Variants in MYLK3 observed in about 807,000 individuals in gnomAD.
The protein encoded by MYLK3 is myosin light chain kinase 3, also known as MLC kinase.
A neutral mutation model predicts 76.3 loss-of-function variants in MYLK3; 55 were observed. That is an observed-to-expected ratio of 0.72 (90% CI 0.58 to 0.90). The LOEUF (loss-of-function observed/expected upper bound fraction) is 0.90. Among genes scored for constraint, MYLK3 ranks in the 40% least tolerant of loss-of-function variants. MYLK3 has a pLI of 0.00. For synonymous variants in MYLK3, 416 were observed against 425.4 expected (o/e 0.98, Z 0.27); for missense variants, 973 against 1,053.6 (o/e 0.92, Z 1.06).
intron 9 of MYLK3, among the ~76,000 whole-genome samples, chr16:46,719,326 C>CAA (rs1187916313): frequency 4.8e-5 from 4 of 83,008 alleles, no homozygotes; most frequent in Non-Finnish European, 5.0e-5. Context: ...GACTCGGTCT[C>CAA]AAAAAAAAAA....
chr16:46,755,298 A>C (rs367743489), intron 1 of MYLK3, among the ~76,000 whole-genome samples: 1 of 152,136 alleles, frequency 6.6e-6, no homozygotes, highest in Non-Finnish European at 1.5e-5. Flanking sequence ...TCTACTAAAA[A>C]TACAAAAAAA....
intron 1 of MYLK3, among the ~76,000 whole-genome samples, chr16:46,758,174 G>A (rs1967224520): frequency 6.6e-6 from 1 of 151,794 alleles, no homozygotes; most frequent in South Asian, 2.1e-4. Flanking sequence ...ATGCCAGGGA[G>A]GGCTCCCTGG....
At chr16:46,709,373 G>A (rs1966658957) in intron 12 of MYLK3, among the ~76,000 whole-genome samples, 166 bp downstream of exon 12, 1 of 150,748 alleles carries the variant, frequency 6.6e-6, no homozygotes, top group African/African-American at 2.4e-5. Context: ...AGTGAACCAT[G>A]ATCATGCCAC....
intron 4 of MYLK3, among the ~76,000 whole-genome samples, chr16:46,731,375 T>G (rs1966852234): frequency 6.6e-6 from 1 of 152,168 alleles, no homozygotes; most frequent in African/African-American, 2.4e-5. Context: ...CCTTCAGAGG[T>G]GATATGAATA....
intron 10 of MYLK3, 192 bp from the exon 11 acceptor site, chr16:46,710,981 A>T: frequency 7.8e-6 from 5 of 640,798 alleles, no homozygotes; most frequent in Non-Finnish European, 1.3e-5. Flanking sequence ...GGAAGGATTT[A>T]AAATTTGGAG....
rs1311395257 is a variant in MYLK3 at position 46,706,206 on chromosome 16, A to C, written c.*1498T>G. 1 of 152,122 alleles carries C rather than the reference A, an allele frequency of 6.6e-6. No individual in the cohort carries two copies. The highest frequency in any genetic ancestry group is 6.5e-5 in the Admixed American group (1 of 15,270). 9.4% of individuals were successfully genotyped at this position (152,122 alleles called of 1,614,324 possible). A position where few individuals can be genotyped will look rare whatever the true frequency, so the allele number is the denominator to read the frequency against. On this transcript the variant is annotated 3_prime_UTR_variant, in exon 13 of 13. Transcript: ENST00000394809. ...ATGTTGACTGGAAGCCCTATCAATA[A>C]TATAAACAGTCAGTTAATACCCATA...
At position 46,747,715 on chromosome 16, in the gene MYLK3, A is replaced by G; in HGVS notation, c.477+2T>C. 1 of 1,609,562 alleles carries G rather than the reference A, an allele frequency of 6.2e-7. No homozygotes were observed. On this transcript the variant is annotated splice_donor_variant, in intron 1 of 12. Transcript: ENST00000394809. LOFTEE classifies it high-confidence loss of function. ...AGCCAGGGCAGGGAAGCAGGAACCA[A>G]CCTCCTCAGGGCTGTCACCTGGGCT...
chr16:46,730,174 C>T (rs561827860), intron 5 of MYLK3, among the ~76,000 whole-genome samples: 11 of 149,520 alleles, frequency 7.4e-5, no homozygotes, highest in South Asian at 6.4e-4. Context: ...CCATCCTGCA[C>T]CCCAGGGAAC....
chr16:46,735,560 A>G (rs1301077943), intron 3 of MYLK3, among the ~76,000 whole-genome samples: 1 of 152,186 alleles, frequency 6.6e-6, no homozygotes, highest in Non-Finnish European at 1.5e-5. Context: ...CCAGCAGCTG[A>G]AGGCCCCGTC....
chr16:46,728,478 T>A (rs765983957), intron 7 of MYLK3, among the ~76,000 whole-genome samples: 1 of 152,166 alleles, frequency 6.6e-6, no homozygotes, highest in Non-Finnish European at 1.5e-5. Context: ...CCCAGCACTT[T>A]GGGAAGCTGA....
chr16:46,720,959 A>G (rs1332665126), intron 9 of MYLK3, among the ~76,000 whole-genome samples, 164 bp downstream of exon 9: 1 of 152,172 alleles, frequency 6.6e-6, no homozygotes, highest in Non-Finnish European at 1.5e-5. Context: ...TGCAAGAGCA[A>G]CAAGGCCTGT....
At position 46,748,094 on chromosome 16, in the gene MYLK3, C is replaced by G. The variant is rs779225675; in HGVS notation, c.100G>C (p.Glu34Gln). The change falls in exon 1 of 13, where the codon GAG becomes CAG. Residue 34 changes from glutamate to glutamine, a missense_variant. Physicochemically the swap from Glu to Gln is conservative, Grantham distance 29 (BLOSUM62 2). Around this residue, in one of 2 missense-constraint regions of MYLK3, gnomAD observed 641 missense variants for 637.0 expected, o/e 1.01. Coordinates refer to ENST00000394809, the MANE Select transcript of MYLK3 (RefSeq NM_182493.3). This position sits in a 1 kb window ranked among gnomAD's most constrained non-coding sequence, Gnocchi z 4.3. The part of the protein sequence containing the change: ...TMDTKLNMLN[E>Q]KVDQLLHFQE... ...AAGTGCAGGAGCTGGTCCACCTTCT[C>G]GTTCAGCATGTTCAGCTTTGTGTCC... 6.2e-7 allele frequency: 1 copy of G among 1,614,154 alleles called. No homozygotes were observed. The highest frequency in any genetic ancestry group is 1.3e-5 in the African/African-American group (1 of 74,962).
At chr16:46,730,838 C>A in intron 4 of MYLK3, 140 bp from the exon 5 acceptor site, 1 of 694,864 alleles carries the variant, frequency 1.4e-6, no homozygotes. Context: ...TTTCTCCAAA[C>A]CATCTCAGTA....
At chr16:46,760,134 G>T (rs1194782579) in intron 1 of MYLK3, among the ~76,000 whole-genome samples, 1 of 152,208 alleles carries the variant, frequency 6.6e-6, no homozygotes, top group Non-Finnish European at 1.5e-5. Flanking sequence ...TCATCCAAGG[G>T]GGAGGGACCA....
At chr16:46,737,648 G>T in intron 3 of MYLK3, 63 bp downstream of exon 3, 1 of 1,479,352 alleles carries the variant, frequency 6.8e-7, no homozygotes. Flanking sequence ...GCCCACGGCC[G>T]AGCTCCAGCG....
At chr16:46,736,515 T>C (rs1018070103) in intron 3 of MYLK3, among the ~76,000 whole-genome samples, 2 of 152,186 alleles carry the variant, frequency 1.3e-5, no homozygotes, top group African/African-American at 4.8e-5. Flanking sequence ...TCAGAATCTT[T>C]TGAGGCCCCT....
At chr16:46,748,357 G>A (rs1967067860), upstream of MYLK3, 3 of 1,299,218 alleles carry the variant, frequency 2.3e-6, no homozygotes, top group Non-Finnish European at 3.1e-6. The surrounding 1 kb of genome is among the most constrained non-coding windows in gnomAD (Gnocchi z 4.3). Flanking sequence ...GGAGCGCAGA[G>A]GCCCAGGTTC....
chr16:46,748,226 G>C lies in MYLK3; in HGVS notation c.-33C>G. On this transcript the variant is annotated 5_prime_UTR_variant, in exon 1 of 13. Transcript: ENST00000394809. This position sits in a 1 kb window ranked among gnomAD's most constrained non-coding sequence, Gnocchi z 4.3. ...CAGGCTTGACAAGGGCAAGAGCGGGGAATGAGGAGAGGCACAGACCCCTGG... is the reference window on the plus strand; with the variant it reads ...CAGGCTTGACAAGGGCAAGAGCGGGCAATGAGGAGAGGCACAGACCCCTGG... 6.3e-7 allele frequency: 1 copy of C among 1,588,190 alleles called. No homozygotes were observed. Among genetic ancestry groups the C allele is most frequent in the African/African-American group, 1.3e-5 (1 of 74,688 alleles).
At chr16:46,709,921 T>G (rs940833540) in intron 11 of MYLK3, among the ~76,000 whole-genome samples, 2 of 152,188 alleles carry the variant, frequency 1.3e-5, no homozygotes, top group African/African-American at 4.8e-5. Flanking sequence ...GAGGAACCAC[T>G]TCCCAGAGGG....
Sources: gnomAD v4.1 joint callset for allele counts (sites outside exome capture counted in the v4.1 genomes callset) on GRCh38, gnomAD v4.1.1 for gene constraint, gnomAD v4.1.1 regional missense constraint, Gnocchi (gnomAD v3.1) non-coding constraint, MANE v1.5 for transcripts, NCBI Gene and HGNC (gene_info 2026-07-23, HGNC 2026-07-21) for gene names.